Variants in FMNL1 observed in about 807,000 individuals in gnomAD.
The protein encoded by FMNL1 is formin like 1, also known as formin-like protein 1.
Under a neutral mutation model 121.3 loss-of-function variants are expected in FMNL1, and 43 were observed. The ratio of observed to expected loss-of-function variants is 0.35; its 90% CI spans 0.28 to 0.46. The LOEUF (loss-of-function observed/expected upper bound fraction) is 0.46. Ranked by LOEUF, FMNL1 falls within the 20% of genes least tolerant of loss-of-function variation. FMNL1 has a pLI of 1.00. For missense variants in FMNL1, 1,191 were observed against 1,482.4 expected (o/e 0.80, Z 3.23); for synonymous variants, 613 against 613.5 (o/e 1.00, Z 0.01).
chr17:45,241,926 G>C lies in FMNL1; in HGVS notation c.1665G>C (p.Gln555His), dbSNP rs866238820. The change falls in exon 15 of 27, where the codon CAG (glutamine) becomes CAC (histidine). Residue 555 changes from glutamine to histidine, a missense_variant. Gln to His is a conservative substitution (Grantham distance 24). This residue lies in a region of FMNL1 where 519 missense variants were observed against 492.8 expected (regional missense o/e 1.05). Coordinates refer to ENST00000331495, the MANE Select transcript of FMNL1 (RefSeq NM_005892.4). The surrounding 1 kb of genome is among the most constrained non-coding windows in gnomAD (Gnocchi z 7.0). ...CACTGCCCGGCCTCCCCTCCCCGCA[G>C]GAAGCCCCGCCCTCTGCGCCCCCAC... ...PPPLPGLPSPQEAPPSAPPQA... is the reference protein window; with the variant it reads ...PPPLPGLPSPHEAPPSAPPQA... 6 of 1,378,618 alleles carry C rather than the reference G, an allele frequency of 4.4e-6. No homozygotes were observed. In the African/African-American group the frequency reaches 8.0e-5, roughly 18 times the overall value. 85.4% of individuals were successfully genotyped at this position (1,378,618 alleles called of 1,614,324 possible).
At chr17:45,232,311 A>G in intron 2 of FMNL1, 56 bp from the exon 3 acceptor site, 1 of 1,531,686 alleles carries the variant, frequency 6.5e-7, no homozygotes, top group African/African-American at 1.4e-5. Flanking sequence ...AGAACTGGTC[A>G]TTTGCCCTGG....
chr17:45,239,899 G>A (rs1456460864), intron 11 of FMNL1, among the ~76,000 whole-genome samples: 3 of 151,956 alleles, frequency 2.0e-5, no homozygotes, highest in African/African-American at 7.3e-5. Context: ...GGGTTCAAGT[G>A]ATTTTCCAGC....
rs773406820 is a variant in FMNL1 at position 45,245,926 on chromosome 17, G to A, written c.3043G>A (p.Glu1015Lys). The change falls in exon 24 of 27, where the codon GAG becomes AAG. Residue 1015 changes from glutamate (E) to lysine (K), a missense_variant. This residue lies in a region of FMNL1 where 367 missense variants were observed against 528.6 expected (regional missense o/e 0.69). Transcript: ENST00000331495. The stretch of plus-strand genomic sequence containing the variant: ...GTGGAAAAAAGAAGCCGCTGCCCAG[G>A]AGGCAGGCGCTGATACCCCGGGCAA... ...EQWKKEAAAQ[E>K]AGADTPGKGE... is the part of the protein sequence containing the mutation. 3.3e-5 allele frequency: 52 copies of A among 1,588,994 alleles called. No homozygotes were observed. The Middle Eastern group carries it at 8.1e-4, about 25-fold the overall frequency.
chr17:45,222,257 A>G lies in FMNL1; in HGVS notation c.129+4A>G. ...GGAGAGGTTCAACCGCGCCCTGGTG[A>G]GTGCGACCCGGAGGCGGGTCGGGCG... On this transcript the variant is annotated splice_donor_region_variant and intron_variant, in intron 1 of 26. Coordinates refer to ENST00000331495, the MANE Select transcript of FMNL1 (RefSeq NM_005892.4). The G allele has an allele frequency of 8.6e-7, 1 of 1,163,238 alleles. No homozygotes were observed. Among genetic ancestry groups the G allele is most frequent in the Non-Finnish European group, 1.1e-6 (1 of 942,888 alleles). The allele number at this position is 1,163,238 out of a possible 1,614,324, so 72.1% of individuals were successfully genotyped here.
chr17:45,246,594 T>G lies in FMNL1; in HGVS notation c.3301T>G (p.Ter1101GluextTer55), dbSNP rs1443079375. The change falls in exon 26 of 27, where the codon TAG (stop) becomes GAG (glutamate). Residue 1101 changes from the stop codon to glutamate, a stop_lost. Coordinates refer to ENST00000331495, the MANE Select transcript of FMNL1 (RefSeq NM_005892.4). ...CAGCCTGGGAGAAGAGATGCCCCTC[T>G]AGCCCCTCAGGTACCCAGATGACCT... ...EASLGEEMPL[*>E] 3.1e-6 allele frequency: 5 copies of G among 1,598,994 alleles called. No individual in the cohort carries two copies. Among genetic ancestry groups the G allele is most frequent in the Non-Finnish European group, 4.3e-6 (5 of 1,170,508 alleles).
chr17:45,241,658 G>C lies in FMNL1; in HGVS notation c.1585+24G>C, dbSNP rs1399390901. 1.4e-6 allele frequency: 2 copies of C among 1,475,662 alleles called. No individual in the cohort carries two copies. Among genetic ancestry groups the C allele is most frequent in the South Asian group, 2.7e-5 (2 of 73,340 alleles). The allele number at this position is 1,475,662 out of a possible 1,614,324, so 91.4% of individuals were successfully genotyped here. On this transcript the variant is annotated intron_variant, in intron 14 of 26. Coordinates refer to ENST00000331495, the MANE Select transcript of FMNL1 (RefSeq NM_005892.4). The surrounding 1 kb of genome is among the most constrained non-coding windows in gnomAD (Gnocchi z 7.0). ...AGGTGCGCAGGAGCTTCAGGCTGGCGGGGATGCGGGGCAGGGTCTGGAGGG... is the reference window on the plus strand; with the variant it reads ...AGGTGCGCAGGAGCTTCAGGCTGGCCGGGATGCGGGGCAGGGTCTGGAGGG...
chr17:45,242,521 T>G, intron 16 of FMNL1, 56 bp downstream of exon 16: 1 of 1,581,918 alleles, frequency 6.3e-7, no homozygotes, highest in Non-Finnish European at 8.6e-7. Context: ...GGGAGTTGCC[T>G]GGATCAGGCT....
rs536615398 is a variant in FMNL1 at position 45,233,782 on chromosome 17, C to T, written c.485+51C>T. 158 of 1,603,206 alleles carry T rather than the reference C, an allele frequency of 9.9e-5. 1 individual carries two copies. In the East Asian group the frequency reaches 2.8e-3, roughly 28 times the overall value. On this transcript the variant is annotated intron_variant, in intron 5 of 26. Coordinates refer to ENST00000331495, the MANE Select transcript of FMNL1 (RefSeq NM_005892.4). This position sits in a 1 kb window ranked among gnomAD's most constrained non-coding sequence, Gnocchi z 4.1. ...TGCCGCTCCTCAGAGCTTTGATCCC[C>T]GTCTCCCTGCATCTCACCCACTCCC...
At chr17:45,238,295 T>G in intron 9 of FMNL1, 4 of 378,168 alleles carry the variant, frequency 1.1e-5, no homozygotes, top group Non-Finnish European at 1.5e-5. Context: ...GCAAGGGACT[T>G]GGTGTGGGAG....
Position 45,242,398 on chromosome 17 carries a change from T to A in FMNL1, c.1943T>A (p.Val648Glu). 5 of 1,614,042 alleles carry A rather than the reference T, an allele frequency of 3.1e-6. No homozygotes were observed. The highest frequency in any genetic ancestry group is 4.2e-6 in the Non-Finnish European group (5 of 1,179,956). Residue 648 changes from valine (V) to glutamate (E), a missense_variant, in exon 16 of 27, where the codon GTG (valine) becomes GAG (glutamate). Around this residue, in one of 4 missense-constraint regions of FMNL1, gnomAD observed 519 missense variants for 492.8 expected, o/e 1.05. Transcript: ENST00000331495. Reference protein sequence around the residue: ...TKFRMPLLNWVALKPSQITGT... With the variant: ...TKFRMPLLNWEALKPSQITGT... ...TTCCGAATGCCACTCTTGAACTGGG[T>A]GGCACTGAAACCCAGCCAGATCACC...
chr17:45,230,800 C>A, intron 2 of FMNL1, 113 bp downstream of exon 2: 1 of 1,174,640 alleles, frequency 8.5e-7, no homozygotes, highest in Non-Finnish European at 1.2e-6. Flanking sequence ...GGAGCCAAGA[C>A]TCTGCTCAGT....
chr17:45,244,234 A>G lies in FMNL1; in HGVS notation c.2507A>G (p.Gln836Arg), dbSNP rs768142969. 6.2e-7 allele frequency: 1 copy of G among 1,611,174 alleles called. No homozygotes were observed. The highest frequency in any genetic ancestry group is 1.7e-5 in the Admixed American group (1 of 59,576). The change falls in exon 19 of 27, where the codon CAG (glutamine) becomes CGG (arginine). Residue 836 changes from glutamine (Q) to arginine (R), a missense_variant. Transcript: ENST00000331495. Reference sequence around the variant, plus strand: ...ATCAAGTCCTCTGACAAACTCCGCCAGATCCTGGAGGTGAGGGGCCAGGAG... The same window carrying G: ...ATCAAGTCCTCTGACAAACTCCGCCGGATCCTGGAGGTGAGGGGCCAGGAG... ...MSIKSSDKLRQILEIVLAFGN... is the reference protein window; with the variant it reads ...MSIKSSDKLRRILEIVLAFGN...
Position 45,244,005 on chromosome 17 carries a change from A to G in FMNL1, c.2428A>G (p.Thr810Ala). ...CACCTTCCTGGGCAACTTCCCGGAC[A>G]CAGCCCAGCTGCTCATGCCGGTGTG... ...TLTFLGNFPD[T>A]AQLLMPQLNA... The change falls in exon 18 of 27, where the codon ACA (threonine) becomes GCA (alanine). Residue 810 changes from threonine to alanine, a missense_variant. Transcript: ENST00000331495. 6.2e-7 allele frequency: 1 copy of G among 1,610,602 alleles called. No homozygotes were observed. The highest frequency in any genetic ancestry group is 8.5e-7 in the Non-Finnish European group (1 of 1,179,146).
rs906820887 is a variant in FMNL1 at position 45,237,458 on chromosome 17, C to T, written c.801-88C>T. ...AGGTCTCAGAGGCTCATTCTGCACC[C>T]ACTATGCTCCTCCTAGCCAGGCCTG... On this transcript the variant is annotated intron_variant, in intron 8 of 26. Transcript: ENST00000331495. The surrounding 1 kb of genome is among the most constrained non-coding windows in gnomAD (Gnocchi z 4.4). 10 of 1,605,696 alleles carry T rather than the reference C, an allele frequency of 6.2e-6. No individual in the cohort carries two copies. The highest frequency in any genetic ancestry group is 8.5e-6 in the Non-Finnish European group (10 of 1,172,620).
rs1356786290 is a variant in FMNL1 at position 45,241,563 on chromosome 17, C to T, written c.1514C>T (p.Pro505Leu). 1 of 1,567,530 alleles carries T rather than the reference C, an allele frequency of 6.4e-7. No individual in the cohort carries two copies. The highest frequency in any genetic ancestry group is 8.6e-7 in the Non-Finnish European group (1 of 1,156,460). The stretch of plus-strand genomic sequence containing the variant: ...GATGCTGTCTCCATCGAGATCCTCC[C>T]CGTCGCTGTGGCAACTCCGAGCGGC... ...PGDAVSIEIL[P>L]VAVATPSGGD... is the part of the protein sequence containing the mutation. The change falls in exon 14 of 27, where the codon CCC becomes CTC. Residue 505 changes from proline to leucine, a missense_variant. Transcript: ENST00000331495. The surrounding 1 kb of genome is among the most constrained non-coding windows in gnomAD (Gnocchi z 7.0).
intron 1 of FMNL1, among the ~76,000 whole-genome samples, chr17:45,226,273 G>C (rs1439431668): frequency 3.3e-5 from 5 of 152,244 alleles, no homozygotes; most frequent in African/African-American, 1.2e-4. Context: ...GCACATGGGA[G>C]GGGGAGGGGA....
chr17:45,237,525 A>C lies in FMNL1; in HGVS notation c.801-21A>C, dbSNP rs1598198332. On this transcript the variant is annotated intron_variant, in intron 8 of 26. Coordinates refer to ENST00000331495, the MANE Select transcript of FMNL1 (RefSeq NM_005892.4). This position sits in a 1 kb window ranked among gnomAD's most constrained non-coding sequence, Gnocchi z 4.4. ...GGGTCCTGCCTGTTCTCAAGGGACA[A>C]CCTGCCCCTTCTCTCTCCAGAACCA... 6.2e-7 allele frequency: 1 copy of C among 1,613,816 alleles called. No individual in the cohort carries two copies.
At position 45,245,095 on chromosome 17, in the gene FMNL1, C is replaced by T. The variant is rs759327086; in HGVS notation, c.2715C>T (p.Asp905=). 1.9e-6 allele frequency: 3 copies of T among 1,614,100 alleles called. No individual in the cohort carries two copies. The East Asian group carries it at 6.7e-5, about 36-fold the overall frequency. ...TCCACAGCGACCTGCACTTCCTGGA[C>T]AAGGCGGGCTCAGGTAGGAGACACA... ...TGFHSDLHFL[D]KAGSVSLDSV... Residue 905 remains aspartate (D), a synonymous_variant, in exon 21 of 27, where the codon GAC becomes GAT. Coordinates refer to ENST00000331495, the MANE Select transcript of FMNL1 (RefSeq NM_005892.4).
intron 26 of FMNL1, 120 bp from the exon 27 acceptor site, chr17:45,246,747 G>A (rs759348472): frequency 1.2e-6 from 1 of 817,708 alleles, no homozygotes. Context: ...AAACATAAAC[G>A]GTACCCCTGC....
Sources: allele counts gnomAD v4.1 joint callset (sites outside exome capture counted in the v4.1 genomes callset), GRCh38; gene constraint gnomAD v4.1.1; regional missense constraint gnomAD v4.1.1; non-coding constraint Gnocchi (gnomAD v3.1); transcripts MANE v1.5; gene names NCBI Gene and HGNC (gene_info 2026-07-23, HGNC 2026-07-21).